The following FBN1 variants were observed in gnomAD, a reference collection of about 807,000 sequenced individuals.
FBN1 encodes fibrillin 1.
A neutral mutation model predicts 365.1 loss-of-function variants in FBN1; 29 were observed. The observed-to-expected ratio is 0.08, with a 90% CI of 0.06 to 0.11. FBN1 has a LOEUF of 0.11. Ranked by LOEUF, FBN1 falls within the 10% of genes least tolerant of loss-of-function variation. FBN1 has a pLI of 1.00. For synonymous variants in FBN1, 1,210 were observed against 1,270.5 expected (o/e 0.95, Z 1.01); for missense variants, 2,476 against 3,703.2 (o/e 0.67, Z 8.60).
chr15:48,602,178 T>C (rs2044572854), intron 4 of FBN1, among the ~76,000 whole-genome samples: 1 of 152,144 alleles, frequency 6.6e-6, no homozygotes, highest in Non-Finnish European at 1.5e-5. Context: ...CCTGAAATCC[T>C]ATCTATCTCC....
At chr15:48,422,219 G>T in intron 60 of FBN1, 151 bp from the exon 61 acceptor site, 1 of 683,630 alleles carries the variant, frequency 1.5e-6, no homozygotes, top group Non-Finnish European at 2.7e-6. Flanking sequence ...AGAGACACAG[G>T]GGGTAAAGAT....
Position 48,489,838 on chromosome 15 carries a change from C to T in FBN1, c.3082+13G>A, listed in dbSNP as rs757559866. On this transcript the variant is annotated intron_variant, in intron 25 of 65. Transcript: ENST00000316623. Reference sequence around the variant, plus strand: ...AAGGGAGGCAATTGGCCATGGAAAACGTAACATTGTACCTTTGAAGAAAGG... The same window carrying T: ...AAGGGAGGCAATTGGCCATGGAAAATGTAACATTGTACCTTTGAAGAAAGG... 3.2e-5 allele frequency: 51 copies of T among 1,610,254 alleles called. 1 individual carries two copies. The highest frequency in any genetic ancestry group is 6.7e-5 in the Admixed American group (4 of 60,012).
intron 53 of FBN1, 78 bp from the exon 54 acceptor site, chr15:48,434,791 G>A (rs1011360211): frequency 1.3e-6 from 2 of 1,552,496 alleles, no homozygotes; most frequent in Non-Finnish European, 1.8e-6. Flanking sequence ...ATTTTAAACT[G>A]TAATTTTGTT....
At chr15:48,568,246 T>A (rs1466936266) in intron 6 of FBN1, among the ~76,000 whole-genome samples, 1 of 151,318 alleles carries the variant, frequency 6.6e-6, no homozygotes, top group Non-Finnish European at 1.5e-5. Context: ...AAAATTAAAT[T>A]ACAAAGCAAT....
chr15:48,578,756 AC>A (rs2044368209), intron 6 of FBN1, among the ~76,000 whole-genome samples: 1 of 148,204 alleles, frequency 6.7e-6, no homozygotes, highest in African/African-American at 2.5e-5. Flanking sequence ...TATCGCAAGA[AC>A]AAAAAACCAA....
At position 48,449,839 on chromosome 15, in the gene FBN1, T is replaced by C. The variant is rs529591191; in HGVS notation, c.5546-946A>G. ...ATCCAGACTTGCCGTTTGCCTGCAATGTCTACTCAGAACACAGTAATCATG... is the reference window on the plus strand; with the variant it reads ...ATCCAGACTTGCCGTTTGCCTGCAACGTCTACTCAGAACACAGTAATCATG... On this transcript the variant is annotated intron_variant, in intron 45 of 65. Transcript: ENST00000316623. 3.3e-5 allele frequency among the ~76,000 whole-genome samples: 5 copies of C among 152,342 alleles called. No individual in the cohort carries two copies. In the South Asian group the frequency reaches 1.0e-3, roughly 32 times the overall value.
intron 63 of FBN1, among the ~76,000 whole-genome samples, chr15:48,417,612 G>T (rs1345651071): frequency 6.6e-6 from 1 of 151,972 alleles, no homozygotes; most frequent in Non-Finnish European, 1.5e-5. Context: ...AGGTCACTTA[G>T]GCTCCAGGGC....
chr15:48,461,468 A>C (rs1272419409), intron 42 of FBN1, among the ~76,000 whole-genome samples: 1 of 152,242 alleles, frequency 6.6e-6, no homozygotes, highest in Non-Finnish European at 1.5e-5. Flanking sequence ...AATCTTTAAA[A>C]AAATTAATTT....
At chr15:48,419,172 C>T (rs1225978191) in intron 63 of FBN1, among the ~76,000 whole-genome samples, 1 of 152,112 alleles carries the variant, frequency 6.6e-6, no homozygotes, top group Non-Finnish European at 1.5e-5. Context: ...CATTTGGAGA[C>T]ATTAAGAACC....
At chr15:48,523,897 C>A (rs186882468) in intron 9 of FBN1, among the ~76,000 whole-genome samples, 1 of 152,336 alleles carries the variant, frequency 6.6e-6, no homozygotes, top group African/African-American at 2.4e-5. Context: ...AGGAGGAAAT[C>A]TCACTCTTTT....
intron 2 of FBN1, chr15:48,643,556 A>G (rs2140785212): frequency 6.6e-6 from 1 of 152,344 alleles, no homozygotes; most frequent in East Asian, 1.9e-4. Flanking sequence ...AAAAAGAGTA[A>G]GTGAAATGAA....
chr15:48,468,237 T>C (rs894688929), intron 37 of FBN1, 135 bp from the exon 38 acceptor site: 8 of 1,346,946 alleles, frequency 5.9e-6, no homozygotes, highest in Non-Finnish European at 8.4e-6. Flanking sequence ...CCATGAACAT[T>C]ATACACTACC....
At chr15:48,428,173 G>T (rs918322921) in intron 57 of FBN1, 173 bp downstream of exon 57, 4 of 797,292 alleles carry the variant, frequency 5.0e-6, no homozygotes, top group Admixed American at 2.2e-5. Context: ...TAGCTGCAGG[G>T]TGGTGCTGAG....
chr15:48,434,800 T>C, intron 53 of FBN1, 87 bp from the exon 54 acceptor site: 2 of 1,511,066 alleles, frequency 1.3e-6, no homozygotes, highest in South Asian at 1.2e-5. Context: ...TGTAATTTTG[T>C]TGTTGTTGTT....
At chr15:48,421,384 T>A (rs1157190833) in intron 62 of FBN1, among the ~76,000 whole-genome samples, 174 bp downstream of exon 62, 1 of 152,200 alleles carries the variant, frequency 6.6e-6, no homozygotes, top group African/African-American at 2.4e-5. Flanking sequence ...CAATCAAGCA[T>A]GAAACAAAAC....
chr15:48,641,090 A>T (rs1476347378), intron 2 of FBN1: 3 of 152,210 alleles, frequency 2.0e-5, no homozygotes, highest in Non-Finnish European at 4.4e-5. Flanking sequence ...CGTGGTTTTG[A>T]AACTTGAACA....
At position 48,423,526 on chromosome 15, in the gene FBN1, T is replaced by C. The variant is rs550165961; in HGVS notation, c.7454-1458A>G. On this transcript the variant is annotated intron_variant, in intron 60 of 65. Coordinates refer to ENST00000316623, the MANE Select transcript of FBN1 (RefSeq NM_000138.5). Reference sequence around the variant, plus strand: ...CCCAAGGAGCTTGGCTGGAGCATCATGACACATTTGCTGAAGCTCACCTGC... The same window carrying C: ...CCCAAGGAGCTTGGCTGGAGCATCACGACACATTTGCTGAAGCTCACCTGC... Among the ~76,000 whole-genome samples the C allele has an allele frequency of 1.3e-4, 20 of 152,346 alleles. No individual in the cohort carries two copies. The South Asian group carries it at 4.1e-3, about 32-fold the overall frequency.
At chr15:48,513,875 A>G (rs767029944) in intron 12 of FBN1, among the ~76,000 whole-genome samples, 7 of 152,216 alleles carry the variant, frequency 4.6e-5, no homozygotes, top group Non-Finnish European at 7.3e-5. Flanking sequence ...TTCATGTGTC[A>G]TTTTGCAGAG....
At position 48,504,946 on chromosome 15, in the gene FBN1, G is replaced by C. The variant is rs866640700; in HGVS notation, c.1960+79C>G. 2.4e-5 allele frequency: 38 copies of C among 1,564,918 alleles called. No individual in the cohort carries two copies. The South Asian group carries it at 4.0e-4, about 16-fold the overall frequency. On this transcript the variant is annotated intron_variant, in intron 16 of 65. Transcript: ENST00000316623. ...TTTATATCTTATCTGCTACAGTAGA[G>C]AGCGTTTGTTACCATTGGGCTTTAT...
Sources: gnomAD v4.1 joint callset for allele counts (sites outside exome capture counted in the v4.1 genomes callset) on GRCh38, gnomAD v4.1.1 for gene constraint, MANE v1.5 for transcripts, NCBI Gene and HGNC (gene_info 2026-07-23, HGNC 2026-07-21) for gene names.